FAM171B: variants seen among roughly 807,000 people sequenced by gnomAD.
FAM171B encodes protein FAM171B.
In FAM171B, 19 loss-of-function variants were observed where a neutral mutation model predicts 75.6. The observed-to-expected ratio is 0.25, with a 90% CI of 0.18 to 0.37. FAM171B has a LOEUF of 0.37. Ranked by LOEUF, FAM171B falls within the 10% of genes least tolerant of loss-of-function variation. The pLI, the probability that FAM171B is intolerant of heterozygous loss-of-function variation, is 1.00. For synonymous variants in FAM171B, 367 were observed against 361.7 expected, an observed-to-expected ratio of 1.01 and a Z score of -0.17; for missense variants, 848 against 982.4, an observed-to-expected ratio of 0.86 and a Z score of 1.83.
chr2:186,711,875 T>C (rs1348168608), intron 1 of FAM171B, among the ~76,000 whole-genome samples: 2 of 152,196 alleles, frequency 1.3e-5, no homozygotes. Context: ...TGGTCCGTGA[T>C]TATCTTTATC....
Position 186,764,075 on chromosome 2 carries a change from C to T in FAM171B, c.*1252C>T, listed in dbSNP as rs1047643917. ...TTTTAATTAACTCTGAATTACCATT[C>T]ATACATCCTAAAAATAAAAGCTCGT... On this transcript the variant is annotated 3_prime_UTR_variant, in exon 8 of 8. Transcript: ENST00000304698. 1.2e-4 allele frequency: 18 copies of T among 152,034 alleles called. No homozygotes were observed. Among genetic ancestry groups the T allele is most frequent in the African/African-American group, 4.3e-4 (18 of 41,428 alleles). The allele number at this position is 152,034 out of a possible 1,614,324, so 9.4% of individuals were successfully genotyped here. A position where few individuals can be genotyped will look rare whatever the true frequency, so the allele number is the denominator to read the frequency against.
intron 5 of FAM171B, among the ~76,000 whole-genome samples, chr2:186,753,480 G>A (rs1690486650): frequency 6.6e-6 from 1 of 152,102 alleles, no homozygotes; most frequent in African/African-American, 2.4e-5. Flanking sequence ...AGTTTTTCAT[G>A]AATTCCATGA....
chr2:186,703,123 A>G (rs113010154), intron 1 of FAM171B, among the ~76,000 whole-genome samples: 26,399 of 151,274 alleles, frequency 0.17, 2,422 homozygotes, highest in Middle Eastern at 0.26. Context: ...TCTGTCCCCC[A>G]GGCTGGAGTG....
intron 1 of FAM171B, among the ~76,000 whole-genome samples, chr2:186,729,196 A>G (rs1351178962): frequency 6.6e-6 from 1 of 152,150 alleles, no homozygotes; most frequent in African/African-American, 2.4e-5. Context: ...TTTAGATTAT[A>G]TGTTTTCTAA....
chr2:186,738,413 A>G (rs1042109862), intron 1 of FAM171B, among the ~76,000 whole-genome samples: 1 of 152,080 alleles, frequency 6.6e-6, no homozygotes, highest in African/African-American at 2.4e-5. Context: ...CAGGGTAGCC[A>G]TCTGTGAGGC....
chr2:186,743,095 C>T (rs570736797), intron 2 of FAM171B, among the ~76,000 whole-genome samples: 210 of 152,114 alleles, frequency 1.4e-3, no homozygotes, highest in Non-Finnish European at 2.5e-3. Context: ...AAGCTTGAAT[C>T]ATGGAGCCAA....
chr2:186,700,432 C>T (rs891010763), intron 1 of FAM171B, among the ~76,000 whole-genome samples: 4 of 152,142 alleles, frequency 2.6e-5, no homozygotes, highest in African/African-American at 9.7e-5. Flanking sequence ...CTGGAGACAT[C>T]TGATGTGTTG....
chr2:186,747,957 C>G (rs1170479269), intron 4 of FAM171B, among the ~76,000 whole-genome samples: 1 of 151,970 alleles, frequency 6.6e-6, no homozygotes, highest in Non-Finnish European at 1.5e-5. Flanking sequence ...GGGTCTTGCT[C>G]TGTTTCCCAA....
intron 6 of FAM171B, among the ~76,000 whole-genome samples, chr2:186,758,103 A>T (rs1370254361): frequency 6.6e-6 from 1 of 151,144 alleles, no homozygotes; most frequent in Non-Finnish European, 1.5e-5. Flanking sequence ...GCTTCATTCA[A>T]CAATAGTGTG....
chr2:186,699,031 A>T (rs984158697), intron 1 of FAM171B, among the ~76,000 whole-genome samples: 6 of 152,170 alleles, frequency 3.9e-5, no homozygotes, highest in Non-Finnish European at 5.9e-5. Flanking sequence ...CTATCTGTTA[A>T]TGGACACTTA....
intron 1 of FAM171B, among the ~76,000 whole-genome samples, chr2:186,700,769 A>G (rs893174381): frequency 5.9e-5 from 9 of 152,296 alleles, no homozygotes; most frequent in African/African-American, 2.2e-4. Flanking sequence ...TGCTTGGCCA[A>G]CTGATACACT....
chr2:186,759,760 T>C (rs149400107), intron 6 of FAM171B, among the ~76,000 whole-genome samples: 81 of 152,192 alleles, frequency 5.3e-4, no homozygotes, highest in African/African-American at 1.8e-3. Context: ...GGTTGTCTCT[T>C]CCCTTTGTTG....
At chr2:186,725,073 G>A (rs1690010430) in intron 1 of FAM171B, among the ~76,000 whole-genome samples, 1 of 152,124 alleles carries the variant, frequency 6.6e-6, no homozygotes, top group Non-Finnish European at 1.5e-5. Flanking sequence ...GGCCAGGCGC[G>A]ATGGCTCACG....
intron 1 of FAM171B, among the ~76,000 whole-genome samples, chr2:186,699,136 A>T (rs1376110662): frequency 2.6e-5 from 4 of 152,190 alleles, no homozygotes; most frequent in Admixed American, 2.6e-4. Context: ...TCTTTTGGGT[A>T]TATACCTAAC....
chr2:186,730,440 TCTAA>T (rs1323288373), intron 1 of FAM171B, among the ~76,000 whole-genome samples: 1 of 152,238 alleles, frequency 6.6e-6, no homozygotes, highest in Non-Finnish European at 1.5e-5. Flanking sequence ...TTATGTCAGC[TCTAA>T]CTGAGTGGCA....
intron 1 of FAM171B, among the ~76,000 whole-genome samples, chr2:186,719,171 C>A (rs941991186): frequency 1.3e-5 from 2 of 152,194 alleles, no homozygotes; most frequent in Non-Finnish European, 2.9e-5. Flanking sequence ...TTAAATCTAA[C>A]CACTTTCCCC....
chr2:186,700,077 T>TG (rs1221012229), intron 1 of FAM171B, among the ~76,000 whole-genome samples: 4 of 70,960 alleles, frequency 5.6e-5, no homozygotes, highest in Non-Finnish European at 1.6e-4. Flanking sequence ...AATTTTGTTG[T>TG]TTTTTTTTTA....
At position 186,762,898 on chromosome 2, in the gene FAM171B, TAAG is replaced by T. The variant is rs984631224; in HGVS notation, c.*78_*80del. ...CTTGTTGTAAATTGCAGTACGAACT[TAAG>T]AAAATGAGACTGAGCAATCTCATGG... On this transcript the variant is annotated 3_prime_UTR_variant, in exon 8 of 8. Coordinates refer to ENST00000304698, the MANE Select transcript of FAM171B (RefSeq NM_177454.4). This position sits in a 1 kb window ranked among gnomAD's most constrained non-coding sequence, Gnocchi z 4.0. The T allele has an allele frequency of 4.0e-6, 6 of 1,518,666 alleles. No individual in the cohort carries two copies. In the African/African-American group the frequency reaches 8.4e-5, roughly 21 times the overall value. The allele number at this position is 1,518,666 out of a possible 1,614,324, so 94.1% of individuals were successfully genotyped here.
At chr2:186,720,778 T>C (rs539646423) in intron 1 of FAM171B, among the ~76,000 whole-genome samples, 2 of 149,914 alleles carry the variant, frequency 1.3e-5, no homozygotes, top group East Asian at 4.0e-4. Flanking sequence ...ACCCAAACCC[T>C]GAGTTAACCA....
Sources: allele counts gnomAD v4.1 joint callset (sites outside exome capture counted in the v4.1 genomes callset), GRCh38; gene constraint gnomAD v4.1.1; non-coding constraint Gnocchi (gnomAD v3.1); transcripts MANE v1.5; gene names NCBI Gene and HGNC (gene_info 2026-07-23, HGNC 2026-07-21).